Variants in RNF152 observed in about 807,000 individuals in gnomAD.
The protein encoded by RNF152 is E3 ubiquitin-protein ligase RNF152.
RNF152 carries 11 observed loss-of-function variants against 12.7 expected under a neutral mutation model. That is an observed-to-expected ratio of 0.86 (90% confidence interval 0.54 to 1.43). The LOEUF is 1.43. Among genes scored for constraint, RNF152 ranks in the 40% most tolerant of loss-of-function variants. The pLI is 0.00. For synonymous variants in RNF152, 113 were observed against 120.3 expected (o/e 0.94, Z 0.40); for missense variants, 255 against 274.8 (o/e 0.93, Z 0.51).
chr18:61,870,132 C>T (rs1202195063), intron 1 of RNF152, among the ~76,000 whole-genome samples: 4 of 152,166 alleles, frequency 2.6e-5, no homozygotes, highest in Admixed American at 2.6e-4. Flanking sequence ...GGAAATATTA[C>T]GTTCCTGCAC....
chr18:61,828,880 A>G (rs905754684), intron 1 of RNF152, among the ~76,000 whole-genome samples: 1 of 152,168 alleles, frequency 6.6e-6, no homozygotes, highest in African/African-American at 2.4e-5. Context: ...ATGTGAAGAA[A>G]CTACAGTCAT....
At chr18:61,847,810 C>A (rs933239447) in intron 1 of RNF152, among the ~76,000 whole-genome samples, 3 of 152,074 alleles carry the variant, frequency 2.0e-5, no homozygotes, top group Non-Finnish European at 2.9e-5. Flanking sequence ...CTGGCCTTCA[C>A]ACCTACTCTT....
intron 1 of RNF152, among the ~76,000 whole-genome samples, chr18:61,838,561 G>T (rs1346689621): frequency 1.3e-5 from 2 of 152,154 alleles, no homozygotes; most frequent in Non-Finnish European, 2.9e-5. Context: ...AGAATGAACA[G>T]TCTTCATTCC....
At position 61,877,446 on chromosome 18, in the gene RNF152, ATC is replaced by A. The variant is rs1378837903; in HGVS notation, c.-136+15347_-136+15348del. 3.9e-5 allele frequency among the ~76,000 whole-genome samples: 6 copies of A among 152,202 alleles called. No individual in the cohort carries two copies. The East Asian group carries it at 7.7e-4, about 20-fold the overall frequency. On this transcript the variant is annotated intron_variant, in intron 1 of 1. Coordinates refer to ENST00000312828, the MANE Select transcript of RNF152 (RefSeq NM_173557.3). Reference sequence around the variant, plus strand: ...ACAGCTGTGACTGCAGGGTATCCACATCTGTCACTGTTCCCAAAAAATGTTAA... The same window carrying A: ...ACAGCTGTGACTGCAGGGTATCCACATGTCACTGTTCCCAAAAAATGTTAA...
intron 1 of RNF152, among the ~76,000 whole-genome samples, chr18:61,878,550 G>C (rs1346643003): frequency 6.6e-6 from 1 of 152,204 alleles, no homozygotes; most frequent in Non-Finnish European, 1.5e-5. Context: ...CAAGATTTCT[G>C]TCTTAGTCTG....
intron 1 of RNF152, among the ~76,000 whole-genome samples, chr18:61,819,759 G>A (rs939523030): frequency 4.6e-5 from 7 of 152,102 alleles, no homozygotes; most frequent in South Asian, 2.1e-4. Context: ...AGTGGCTCAC[G>A]CCTGTAATCT....
At chr18:61,872,592 G>A (rs2144739876) in intron 1 of RNF152, among the ~76,000 whole-genome samples, 1 of 152,058 alleles carries the variant, frequency 6.6e-6, no homozygotes, top group East Asian at 1.9e-4. Flanking sequence ...TAAACCCAAA[G>A]TTAGGCCTCT....
At chr18:61,855,030 T>C (rs1911156983) in intron 1 of RNF152, among the ~76,000 whole-genome samples, 1 of 152,210 alleles carries the variant, frequency 6.6e-6, no homozygotes, top group African/African-American at 2.4e-5. Flanking sequence ...ATATTATATT[T>C]TAAATAAGCT....
chr18:61,892,337 TTCATACGAAGG>T (rs1304863649), intron 1 of RNF152, among the ~76,000 whole-genome samples: 1 of 152,174 alleles, frequency 6.6e-6, no homozygotes, highest in Non-Finnish European at 1.5e-5. Flanking sequence ...AAGACAGTAT[TTCATACGAAGG>T]TCACTGCATT....
chr18:61,836,361 T>A (rs977634475), intron 1 of RNF152, among the ~76,000 whole-genome samples: 8 of 151,806 alleles, frequency 5.3e-5, no homozygotes, highest in Middle Eastern at 3.2e-3. Flanking sequence ...CCAAAATTCG[T>A]ATGTTGAAAC....
intron 1 of RNF152, among the ~76,000 whole-genome samples, chr18:61,817,014 T>C (rs1419526080): frequency 6.6e-6 from 1 of 152,234 alleles, no homozygotes; most frequent in African/African-American, 2.4e-5. Flanking sequence ...CTGACCTTTT[T>C]TCCTGACTCT....
intron 1 of RNF152, among the ~76,000 whole-genome samples, chr18:61,836,219 T>TTTG (rs1179153206): frequency 6.6e-6 from 1 of 152,128 alleles, no homozygotes; most frequent in African/African-American, 2.4e-5. Flanking sequence ...GGAATGTCCT[T>TTTG]TTGTGCCATC....
intron 1 of RNF152, among the ~76,000 whole-genome samples, chr18:61,847,194 A>G (rs887303157): frequency 1.3e-5 from 2 of 152,246 alleles, no homozygotes. Context: ...TGGAGAGAAC[A>G]ACACAAAAAA....
chr18:61,870,589 G>A (rs1420550535), intron 1 of RNF152, among the ~76,000 whole-genome samples: 1 of 152,130 alleles, frequency 6.6e-6, no homozygotes, highest in Admixed American at 6.5e-5. Context: ...ACCCCCTGTA[G>A]GTTTTCCACC....
At position 61,816,343 on chromosome 18, in the gene RNF152, G is replaced by T. The variant is rs1909088800; in HGVS notation, c.121C>A (p.Gln41Lys). Reference sequence around the variant, plus strand: ...ACATCCTTCTGGCTGGTCCTCATCTGCTGCAGGCACACTGAACAGCAGGTG... The same window carrying T: ...ACATCCTTCTGGCTGGTCCTCATCTTCTGCAGGCACACTGAACAGCAGGTG... The part of the protein sequence containing the change: ...KHTCCSVCLQ[Q>K]MRTSQKDVRC... Residue 41 changes from glutamine (Q) to lysine (K), a missense_variant, in exon 2 of 2, where the codon CAG becomes AAG. Coordinates refer to ENST00000312828, the MANE Select transcript of RNF152 (RefSeq NM_173557.3). 1 of 1,614,222 alleles carries T rather than the reference G, an allele frequency of 6.2e-7. No homozygotes were observed.
chr18:61,861,456 AC>A (rs1186599690), intron 1 of RNF152, among the ~76,000 whole-genome samples: 2 of 152,186 alleles, frequency 1.3e-5, no homozygotes, highest in Non-Finnish European at 1.5e-5. Flanking sequence ...GGGCTACACC[AC>A]CTAGGCTTGT....
chr18:61,827,683 C>T (rs899258147), intron 1 of RNF152, among the ~76,000 whole-genome samples: 4 of 152,108 alleles, frequency 2.6e-5, no homozygotes, highest in Non-Finnish European at 2.9e-5. Context: ...AGTTTCTCTA[C>T]CTACCCTCAA....
intron 1 of RNF152, among the ~76,000 whole-genome samples, chr18:61,891,961 G>T (rs1358989989): frequency 6.6e-6 from 1 of 152,208 alleles, no homozygotes; most frequent in African/African-American, 2.4e-5. Context: ...AGTGTAGGAT[G>T]CGCAGGACTC....
chr18:61,819,193 T>C (rs1355236547), intron 1 of RNF152, among the ~76,000 whole-genome samples: 1 of 152,200 alleles, frequency 6.6e-6, no homozygotes, highest in Non-Finnish European at 1.5e-5. Flanking sequence ...CTGATACAGA[T>C]GTCTTTTAAA....
Sources: allele counts gnomAD v4.1 joint callset (sites outside exome capture counted in the v4.1 genomes callset), GRCh38; gene constraint gnomAD v4.1.1; transcripts MANE v1.5; gene names NCBI Gene and HGNC (gene_info 2026-07-23, HGNC 2026-07-21).